OLA1: variants seen among roughly 807,000 people sequenced by gnomAD.
OLA1 encodes the protein Obg like ATPase 1, also known as obg-like ATPase 1.
Under a neutral mutation model 48.4 loss-of-function variants are expected in OLA1, and 14 were observed. The observed-to-expected ratio is 0.29, with a 90% CI of 0.19 to 0.45. OLA1 has a LOEUF of 0.45. OLA1 is among the 20% of genes least tolerant of loss of function. The pLI is 1.00. For missense variants in OLA1, 325 were observed against 467.1 expected (o/e 0.70, Z 2.80); for synonymous variants, 127 against 150.4 (o/e 0.84, Z 1.14).
intron 4 of OLA1, among the ~76,000 whole-genome samples, chr2:174,186,069 A>G (rs774264615): frequency 6.6e-6 from 1 of 152,224 alleles, no homozygotes; most frequent in African/African-American, 2.4e-5. Flanking sequence ...CAAAACCAAC[A>G]TGAGAGACCT....
chr2:174,092,494 G>A (rs187452301), intron 7 of OLA1, among the ~76,000 whole-genome samples: 214 of 151,272 alleles, frequency 1.4e-3, no homozygotes, highest in African/African-American at 4.4e-3. Flanking sequence ...GTGAAACCCC[G>A]TCTCTATAAA....
chr2:174,189,500 TA>T (rs943411740), intron 4 of OLA1, among the ~76,000 whole-genome samples: 1 of 151,982 alleles, frequency 6.6e-6, no homozygotes, highest in East Asian at 1.9e-4. Flanking sequence ...GGCAATCCAT[TA>T]AAAAAATAGC....
intron 7 of OLA1, among the ~76,000 whole-genome samples, chr2:174,083,139 T>C (rs1015517236): frequency 2.0e-5 from 3 of 152,296 alleles, no homozygotes; most frequent in South Asian, 2.1e-4. Flanking sequence ...ATTAAAATTT[T>C]TATAAAATTA....
chr2:174,127,311 A>G (rs2105370357), intron 5 of OLA1, among the ~76,000 whole-genome samples: 1 of 152,300 alleles, frequency 6.6e-6, no homozygotes. Flanking sequence ...TGTTTAGCCT[A>G]GACATCCCCC....
chr2:174,198,758 G>A (rs1687930675), intron 4 of OLA1, among the ~76,000 whole-genome samples: 1 of 152,124 alleles, frequency 6.6e-6, no homozygotes, highest in Non-Finnish European at 1.5e-5. Flanking sequence ...TCCAGCCTGG[G>A]TGATGGAGTG....
chr2:174,231,161 A>G (rs1688720914), intron 2 of OLA1, among the ~76,000 whole-genome samples: 2 of 152,196 alleles, frequency 1.3e-5, no homozygotes, highest in South Asian at 4.2e-4. Flanking sequence ...CCCACTCTCC[A>G]TTCCTTCTTC....
intron 7 of OLA1, among the ~76,000 whole-genome samples, chr2:174,089,232 T>C (rs1018055385): frequency 6.6e-6 from 1 of 152,152 alleles, no homozygotes; most frequent in Non-Finnish European, 1.5e-5. Context: ...ATGCAGAATC[T>C]TGAACCCCAC....
At chr2:174,108,120 C>T (rs1685555743) in intron 7 of OLA1, among the ~76,000 whole-genome samples, 1 of 151,786 alleles carries the variant, frequency 6.6e-6, no homozygotes, top group South Asian at 2.1e-4. Context: ...GTTAAAATAA[C>T]AAAAGTATGT....
intron 9 of OLA1, chr2:174,080,901 G>C (rs1329811704): frequency 2.5e-6 from 1 of 400,314 alleles, no homozygotes; most frequent in Non-Finnish European, 4.6e-6. Context: ...CACAGGAGGA[G>C]GGTAGACAGA....
chr2:174,142,002 T>G lies in OLA1; in HGVS notation c.374-2A>C. The G allele has an allele frequency of 6.2e-7, 1 of 1,612,454 alleles. No homozygotes were observed. The highest frequency in any genetic ancestry group is 8.5e-7 in the Non-Finnish European group (1 of 1,179,076). The stretch of plus-strand genomic sequence containing the variant: ...TGATATCATCATCTTCAAAAGCACC[T>G]AAAATGAATTAAAGGGAAGCAATTC... On this transcript the variant is annotated splice_acceptor_variant, in intron 4 of 10. Coordinates refer to ENST00000284719, the MANE Select transcript of OLA1 (RefSeq NM_013341.5). LOFTEE classifies it high-confidence loss of function.
chr2:174,088,818 G>A (rs1408076612), intron 7 of OLA1, among the ~76,000 whole-genome samples: 3 of 151,898 alleles, frequency 2.0e-5, no homozygotes, highest in Non-Finnish European at 4.4e-5. Context: ...CAAGGCTACA[G>A]TGAGCTATAA....
intron 7 of OLA1, among the ~76,000 whole-genome samples, chr2:174,093,718 A>G (rs116161888): frequency 5.3e-5 from 8 of 152,356 alleles, no homozygotes; most frequent in African/African-American, 1.9e-4. Flanking sequence ...TATGAAGCCA[A>G]TATTTGTATC....
intron 4 of OLA1, among the ~76,000 whole-genome samples, chr2:174,204,885 C>T (rs1574549667): frequency 6.6e-6 from 1 of 152,076 alleles, no homozygotes; most frequent in Admixed American, 6.6e-5. Context: ...CTCTAAAATG[C>T]GGTAATAATA....
chr2:174,186,358 A>C (rs1455509341), intron 4 of OLA1, among the ~76,000 whole-genome samples: 2 of 152,228 alleles, frequency 1.3e-5, no homozygotes, highest in African/African-American at 2.4e-5. Flanking sequence ...TCTGAAACCC[A>C]AAATGCTCCA....
intron 7 of OLA1, among the ~76,000 whole-genome samples, chr2:174,087,198 TG>T (rs1479284295): frequency 1.3e-5 from 2 of 151,990 alleles, no homozygotes; most frequent in Non-Finnish European, 2.9e-5. Context: ...AGACAATTTT[TG>T]TATTTTAGTA....
rs1159926078 is a variant in OLA1, at chr2:174,247,397, AT to A, written c.1-583del. The A allele has an allele frequency of 1.8e-5, 6 of 341,648 alleles. No homozygotes were observed. In the East Asian group the frequency reaches 3.0e-4, roughly 17 times the overall value. The allele number at this position is 341,648 out of a possible 1,614,324, so 21.2% of individuals were successfully genotyped here. A position where few individuals can be genotyped will look rare whatever the true frequency, so the allele number is the denominator to read the frequency against. On this transcript the variant is annotated intron_variant, in intron 1 of 10. Coordinates refer to ENST00000284719, the MANE Select transcript of OLA1 (RefSeq NM_013341.5). ...AAATAAATAAATAAATAAATAAAAT[AT>A]TTGTGGCACCAGGAATCAAAGATAA... is the stretch of plus-strand genomic sequence containing the variant.
intron 4 of OLA1, among the ~76,000 whole-genome samples, chr2:174,189,317 A>G (rs1440934872): frequency 1.3e-5 from 2 of 152,192 alleles, no homozygotes; most frequent in African/African-American, 4.8e-5. Context: ...CAACTAAAAA[A>G]AACTTTGAAT....
At chr2:174,132,347 A>T (rs767707378) in intron 5 of OLA1, among the ~76,000 whole-genome samples, 144 of 151,988 alleles carry the variant, frequency 9.5e-4, no homozygotes, top group Non-Finnish European at 1.8e-3. Flanking sequence ...TATTTCATTA[A>T]TATTTACTTT....
Position 174,229,448 on chromosome 2 carries a change from T to C in OLA1, c.105A>G (p.Lys35=), listed in dbSNP as rs772131066. 7 of 1,605,798 alleles carry C rather than the reference T, an allele frequency of 4.4e-6. No homozygotes were observed. Among genetic ancestry groups the C allele is most frequent in the Non-Finnish European group, 5.1e-6 (6 of 1,177,658 alleles). ...TGGTTAACACATTGAAGAAAGTAGA[T>C]TTCCTAAAACAAATAAAAGCAATTT... ...IGIVGLPNVG[K]STFFNVLTNS... is the part of the protein sequence containing the mutation. Residue 35 remains lysine, a synonymous_variant, in exon 3 of 11, where the codon AAA becomes AAG. Coordinates refer to ENST00000284719, the MANE Select transcript of OLA1 (RefSeq NM_013341.5).
Sources: allele counts gnomAD v4.1 joint callset (sites outside exome capture counted in the v4.1 genomes callset), GRCh38; gene constraint gnomAD v4.1.1; transcripts MANE v1.5; gene names NCBI Gene and HGNC (gene_info 2026-07-23, HGNC 2026-07-21).